Variants in CHPF observed in about 807,000 individuals in gnomAD.
CHPF encodes the protein chondroitin polymerizing factor.
Under a neutral mutation model 55.1 loss-of-function variants are expected in CHPF, and 34 were observed. The observed-to-expected ratio is 0.62, with a 90% confidence interval of 0.47 to 0.82. The LOEUF is 0.82. Among genes scored for constraint, CHPF ranks in the 40% least tolerant of loss-of-function variants. CHPF has a pLI of 0.00. For missense variants in CHPF, 961 were observed against 1,106.1 expected (o/e 0.87, Z 1.86); for synonymous variants, 489 against 496.6 (o/e 0.98, Z 0.20).
Position 219,541,945 on chromosome 2 carries a change from G to T in CHPF, c.559C>A (p.Gln187Lys). Residue 187 changes from glutamine to lysine, a missense_variant, in exon 2 of 4, where the codon CAG becomes AAG. Transcript: ENST00000243776. ...AACCAGTCAAAGTCGTCGCCGTGCT[G>T]CTCCAGCAGGTGGCGCAGCGCCAGG... is the stretch of plus-strand genomic sequence containing the variant. ...LHLALRHLLE[Q>K]HGDDFDWFFL... 1.2e-6 allele frequency: 2 copies of T among 1,613,154 alleles called. No homozygotes were observed. Among genetic ancestry groups the T allele is most frequent in the Non-Finnish European group, 1.7e-6 (2 of 1,179,672 alleles).
chr2:219,543,784 G>A lies in CHPF; in HGVS notation c.-246C>T, dbSNP rs1324722505. 6.5e-6 allele frequency: 3 copies of A among 460,774 alleles called. No homozygotes were observed. The allele number at this position is 460,774 out of a possible 1,614,324, so 28.5% of individuals were successfully genotyped here. On this transcript the variant is annotated 5_prime_UTR_variant, in exon 1 of 4. Coordinates refer to ENST00000243776, the MANE Select transcript of CHPF (RefSeq NM_024536.6). ...GCTCGGCACTGGAGCCTCAGCCGCG[G>A]CCGCAGCTGTCCGACGTGTCACTGC...
rs757074924 is a variant in CHPF at position 219,539,527 on chromosome 2, C to T, written c.2184G>A (p.Leu728=). 1.4e-5 allele frequency: 23 copies of T among 1,613,674 alleles called. No individual in the cohort carries two copies. Among genetic ancestry groups the T allele is most frequent in the Middle Eastern group, 1.6e-4 (1 of 6,078 alleles). Residue 728 remains leucine, a synonymous_variant, in exon 4 of 4, where the codon CTG becomes CTA. Transcript: ENST00000243776. ...TGCACGTCTGGGCCCGGTAGCGCTG[C>T]AGCAGCGCCGGCTCCACCGCCCGCA... ...HVLRAVEPAL[L]QRYRAQTCSA...
chr2:219,540,905 C>G, intron 3 of CHPF, 41 bp downstream of exon 3: 1 of 1,597,874 alleles, frequency 6.3e-7, no homozygotes, highest in Non-Finnish European at 8.5e-7. Context: ...CTTCTCAGAT[C>G]CTGTCCCCGT....
rs1695224184 is a variant in CHPF, at chr2:219,539,804, C to T, written c.1907G>A (p.Trp636Ter). Reference sequence around the variant, plus strand: ...GAAATGCATGGGAAAGAAGGCCTGCCAGCCGGAGATGGCATGCATGCGGCA... The same window carrying T: ...GAAATGCATGGGAAAGAAGGCCTGCTAGCCGGAGATGGCATGCATGCGGCA... ...NRCRMHAISG[W>*]QAFFPMHFQA... is the part of the protein sequence containing the mutation. Residue 636 changes from tryptophan to a stop codon, truncating the protein, a stop_gained, in exon 4 of 4, where the codon TGG (tryptophan) becomes TAG (stop). Transcript: ENST00000243776. LOFTEE classifies it high-confidence loss of function. The T allele has an allele frequency of 1.2e-6, 2 of 1,613,548 alleles. No individual in the cohort carries two copies. The highest frequency in any genetic ancestry group is 2.2e-5 in the East Asian group (1 of 44,888).
intron 1 of CHPF, among the ~76,000 whole-genome samples, chr2:219,542,665 G>A (rs1695301916): frequency 6.6e-6 from 1 of 152,164 alleles, no homozygotes; most frequent in African/African-American, 2.4e-5. Flanking sequence ...TGCGGGGAGG[G>A]GCAAACTGCA....
Position 219,539,602 on chromosome 2 carries a change from C to T in CHPF, c.2109G>A (p.Glu703=), listed in dbSNP as rs1293374155. ...GGAACAGCTCGTACACATCCAGGCT[C>T]TCCAGCAGCTCCTCTTCTTGTTCTG... ...AASEQEEELL[E]SLDVYELFLH... is the part of the protein sequence containing the mutation. Residue 703 remains glutamate, a synonymous_variant, in exon 4 of 4, where the codon GAG becomes GAA. Transcript: ENST00000243776. The T allele has an allele frequency of 1.9e-6, 3 of 1,613,940 alleles. No individual in the cohort carries two copies. Among genetic ancestry groups the T allele is most frequent in the Non-Finnish European group, 2.5e-6 (3 of 1,179,968 alleles).
chr2:219,539,867 C>A lies in CHPF; in HGVS notation c.1844G>T (p.Gly615Val), dbSNP rs1695226431. The A allele has an allele frequency of 6.2e-7, 1 of 1,613,528 alleles. No individual in the cohort carries two copies. Among genetic ancestry groups the A allele is most frequent in the African/African-American group, 1.3e-5 (1 of 74,920 alleles). The change falls in exon 4 of 4, where the codon GGG becomes GTG. Residue 615 changes from glycine (G) to valine (V), a missense_variant. Gly to Val is a moderately radical substitution (Grantham distance 109). This residue lies in a region of CHPF where 936 missense variants were observed against 1,058.4 expected (regional missense o/e 0.88). Coordinates refer to ENST00000243776, the MANE Select transcript of CHPF (RefSeq NM_024536.6). ...GTCAGGCGTGAGCACCGTGTCTGGC[C>A]CGGCCAGCAGGAACAGTGTGTCCAG... is the stretch of plus-strand genomic sequence containing the variant. ...HPLDTLFLLA[G>V]PDTVLTPDFL...
Position 219,541,607 on chromosome 2 carries a change from T to A in CHPF, c.888+9A>T. The A allele has an allele frequency of 6.5e-7, 1 of 1,545,654 alleles. No homozygotes were observed. Among genetic ancestry groups the A allele is most frequent in the Non-Finnish European group, 8.8e-7 (1 of 1,140,598 alleles). On this transcript the variant is annotated intron_variant, in intron 2 of 3. Transcript: ENST00000243776. ...AAGGAGGTATCAGTGGGATAGCTTA[T>A]CATCCCACCTCGTGGTCACCAGTGC...
rs1695253663 is a variant in CHPF, at chr2:219,540,747, C to T, written c.1069-105G>A. 3.1e-6 allele frequency: 4 copies of T among 1,298,042 alleles called. No individual in the cohort carries two copies. In the Admixed American group the frequency reaches 7.3e-5, roughly 24 times the overall value. 80.4% of individuals were successfully genotyped at this position (1,298,042 alleles called of 1,614,324 possible). ...GTGCCACTCAGGATGGGCCCCTCATCCCCTGCCAACCTCTGCCCATACCTA... is the reference window on the plus strand; with the variant it reads ...GTGCCACTCAGGATGGGCCCCTCATTCCCTGCCAACCTCTGCCCATACCTA... On this transcript the variant is annotated intron_variant, in intron 3 of 3. Transcript: ENST00000243776.
chr2:219,541,393 T>C, intron 2 of CHPF: 1 of 553,764 alleles, frequency 1.8e-6, no homozygotes, highest in Non-Finnish European at 3.1e-6. Flanking sequence ...GCTCCCTGAT[T>C]TTTTCTAATC....
rs1339359995 is a variant in CHPF, at chr2:219,541,963, G to C, written c.541C>G (p.Leu181Val). 6.2e-7 allele frequency: 1 copy of C among 1,611,710 alleles called. No individual in the cohort carries two copies. Reference protein sequence around the residue: ...ERPIGHLHLALRHLLEQHGDD... With the variant: ...ERPIGHLHLAVRHLLEQHGDD... ...CCGTGCTGCTCCAGCAGGTGGCGCA[G>C]CGCCAGGTGCAGGTGTCCAATGGGT... Residue 181 changes from leucine (L) to valine (V), a missense_variant, in exon 2 of 4, where the codon CTG (leucine) becomes GTG (valine). Physicochemically the swap from Leu to Val is conservative, Grantham distance 32. Around this residue, in one of 3 missense-constraint regions of CHPF, gnomAD observed 936 missense variants for 1,058.4 expected, o/e 0.88. Transcript: ENST00000243776.
At position 219,541,081 on chromosome 2, in the gene CHPF, C is replaced by T. The variant is rs1431776826; in HGVS notation, c.933G>A (p.Val311=). ...SHLELSPGEP[V]QEGDPHFRSA... ...TTCGGAAATGAGGGTCCCCCTCCTGCACTGGCTCCCCAGGGCTCAGCTCCA... is the reference window on the plus strand; with the variant it reads ...TTCGGAAATGAGGGTCCCCCTCCTGTACTGGCTCCCCAGGGCTCAGCTCCA... Residue 311 remains valine, a synonymous_variant, in exon 3 of 4, where the codon GTG becomes GTA. Coordinates refer to ENST00000243776, the MANE Select transcript of CHPF (RefSeq NM_024536.6). 6.2e-7 allele frequency: 1 copy of T among 1,612,980 alleles called. No homozygotes were observed. The highest frequency in any genetic ancestry group is 1.3e-5 in the African/African-American group (1 of 75,016).
intron 3 of CHPF, 74 bp downstream of exon 3, chr2:219,540,872 T>C (rs1695255518): frequency 6.4e-7 from 1 of 1,562,994 alleles, no homozygotes; most frequent in African/African-American, 1.4e-5. Flanking sequence ...TGCTAACTTG[T>C]CATTTCTCTG....
Position 219,543,558 on chromosome 2 carries a change from C to A in CHPF, c.-20G>T, listed in dbSNP as rs1347308719. 3.0e-6 allele frequency: 4 copies of A among 1,324,704 alleles called. No homozygotes were observed. The highest frequency in any genetic ancestry group is 3.8e-6 in the Non-Finnish European group (4 of 1,041,770). 82.1% of individuals were successfully genotyped at this position (1,324,704 alleles called of 1,614,324 possible). A position where few individuals can be genotyped will look rare whatever the true frequency, so the allele number is the denominator to read the frequency against. On this transcript the variant is annotated 5_prime_UTR_variant, in exon 1 of 4. Transcript: ENST00000243776. Reference sequence around the variant, plus strand: ...CCGCATGGCGCCCGGACCGCGGGTCCCCGGCCCCGGCGAACCCCCAGAGCA... The same window carrying A: ...CCGCATGGCGCCCGGACCGCGGGTCACCGGCCCCGGCGAACCCCCAGAGCA...
Position 219,543,210 on chromosome 2 carries a change from G to C in CHPF, c.314+15C>G, listed in dbSNP as rs1316404883. ...CCGCTGCCCAGGGGGTAGAGCGGGC[G>C]CAGCCGATCACTACCTGACGGCCTT... On this transcript the variant is annotated intron_variant, in intron 1 of 3. Coordinates refer to ENST00000243776, the MANE Select transcript of CHPF (RefSeq NM_024536.6). 2.6e-6 allele frequency: 4 copies of C among 1,510,932 alleles called. No homozygotes were observed. The highest frequency in any genetic ancestry group is 8.8e-7 in the Non-Finnish European group (1 of 1,141,176). 93.6% of individuals were successfully genotyped at this position (1,510,932 alleles called of 1,614,324 possible).
At position 219,541,990 on chromosome 2, in the gene CHPF, G is replaced by A. The variant is rs369689645; in HGVS notation, c.514C>T (p.Arg172Ter). ...GCCAGGTGCAGGTGTCCAATGGGTC[G>A]CTCCTCGCCTAGCGTCACCACTGCC... ...GMAVVTLGEE[R>*]PIGHLHLALR... Residue 172 changes from arginine to a stop codon, truncating the protein, a stop_gained, in exon 2 of 4, where the codon CGA (arginine) becomes TGA (stop). Coordinates refer to ENST00000243776, the MANE Select transcript of CHPF (RefSeq NM_024536.6). LOFTEE classifies it high-confidence loss of function. The A allele has an allele frequency of 6.2e-7, 1 of 1,607,852 alleles. No individual in the cohort carries two copies. The highest frequency in any genetic ancestry group is 1.3e-5 in the African/African-American group (1 of 74,912).
At chr2:219,542,849 G>A in intron 1 of CHPF, 1 of 1,033,544 alleles carries the variant, frequency 9.7e-7, no homozygotes, top group South Asian at 4.5e-5. Flanking sequence ...AACCCACTCA[G>A]GAACAAGAGA....
At chr2:219,541,522 T>C in intron 2 of CHPF, 94 bp downstream of exon 2, 2 of 1,048,980 alleles carry the variant, frequency 1.9e-6, no homozygotes, top group Non-Finnish European at 2.7e-6. Flanking sequence ...CGAATTGGCA[T>C]GGAAAAGCAG....
intron 1 of CHPF, chr2:219,542,902 T>C: frequency 8.7e-7 from 1 of 1,150,492 alleles, no homozygotes; most frequent in South Asian, 3.8e-5. Context: ...CCCCTGTCTC[T>C]ATACACTCAC....
Sources: gnomAD v4.1 joint callset for allele counts (sites outside exome capture counted in the v4.1 genomes callset) on GRCh38, gnomAD v4.1.1 for gene constraint, gnomAD v4.1.1 regional missense constraint, MANE v1.5 for transcripts, NCBI Gene and HGNC (gene_info 2026-07-23, HGNC 2026-07-21) for gene names.